Variants in ARHGAP29 observed in about 807,000 individuals in gnomAD.
ARHGAP29 encodes the protein rho GTPase-activating protein 29.
A neutral mutation model predicts 122.6 loss-of-function variants in ARHGAP29; 43 were observed. The observed-to-expected ratio is 0.35, with a 90% CI of 0.27 to 0.45. ARHGAP29 has a LOEUF of 0.45. Among genes scored for constraint, ARHGAP29 ranks in the 20% least tolerant of loss-of-function variants. The pLI is 1.00. For missense variants in ARHGAP29, 1,303 were observed against 1,477.2 expected (o/e 0.88, Z 1.93); for synonymous variants, 506 against 497.1 (o/e 1.02, Z -0.24).
chr1:94,222,967 G>A (rs1463582719), intron 2 of ARHGAP29, among the ~76,000 whole-genome samples: 3 of 147,182 alleles, frequency 2.0e-5, no homozygotes, highest in Non-Finnish European at 4.5e-5. Context: ...TTTTTGAGAC[G>A]GAGTCTCGCT....
chr1:94,186,562 T>C lies in ARHGAP29; in HGVS notation c.1717A>G (p.Ser573Gly). Residue 573 changes from serine to glycine, a missense_variant, in exon 16 of 23, where the codon AGT becomes GGT. Ser to Gly is a moderately conservative substitution (Grantham distance 56). This residue lies in a region of ARHGAP29 where 91 missense variants were observed against 177.8 expected (regional missense o/e 0.51). Coordinates refer to ENST00000260526, the MANE Select transcript of ARHGAP29 (RefSeq NM_004815.4). ...FHRKLPRTPSSGTMSSADDLD... is the reference protein window; with the variant it reads ...FHRKLPRTPSGGTMSSADDLD... The stretch of plus-strand genomic sequence containing the variant: ...TCATCTGCAGAGGACATAGTTCCAC[T>C]GGATGGTGTTCGTGGAAGTTTTCGA... 1 of 1,613,780 alleles carries C rather than the reference T, an allele frequency of 6.2e-7. No individual in the cohort carries two copies. The highest frequency in any genetic ancestry group is 8.5e-7 in the Non-Finnish European group (1 of 1,179,756).
chr1:94,215,104 G>GAAAAAAAAAAAAAAAAGA (rs199693229), intron 3 of ARHGAP29, among the ~76,000 whole-genome samples: 2 of 83,630 alleles, frequency 2.4e-5, no homozygotes, highest in African/African-American at 3.8e-5. Context: ...GCATGAAAAG[G>GAAAAAAAAAAAAAAAAGA]AAAAAAAAAA....
chr1:94,256,618 C>T (rs902293461), intron 1 of ARHGAP29, among the ~76,000 whole-genome samples: 1 of 118,098 alleles, frequency 8.5e-6, no homozygotes, highest in Non-Finnish European at 1.6e-5. Flanking sequence ...AGTGCAGTGG[C>T]GCGATTCTCG....
rs925200817 is a variant in ARHGAP29 at position 94,190,203 on chromosome 1, A to G, written c.1282-120T>C. ...CATACAGTGAAGCATACAACACTGA[A>G]TATCACTCTGAACATACTATGATGC... On this transcript the variant is annotated intron_variant, in intron 12 of 22. Transcript: ENST00000260526. The G allele has an allele frequency of 1.1e-5, 11 of 1,024,602 alleles. No individual in the cohort carries two copies. In the African/African-American group the frequency reaches 1.3e-4, roughly 12 times the overall value. The allele number at this position is 1,024,602 out of a possible 1,614,324, so 63.5% of individuals were successfully genotyped here. A position where few individuals can be genotyped will look rare whatever the true frequency, so the allele number is the denominator to read the frequency against.
chr1:94,193,016 TACA>T lies in ARHGAP29; in HGVS notation c.1282-2936_1282-2934del, dbSNP rs1313188145. ...ATTTGGGACGATTAGATGAAAAATCTACAACAACTATTACAAAGGTTTCAAAAA... is the reference window on the plus strand; with the variant it reads ...ATTTGGGACGATTAGATGAAAAATCTACAACTATTACAAAGGTTTCAAAAA... On this transcript the variant is annotated intron_variant, in intron 12 of 22. Transcript: ENST00000260526. The T allele has an allele frequency of 3.9e-5, 6 of 152,076 alleles. No homozygotes were observed. The East Asian group carries it at 5.8e-4, about 15-fold the overall frequency. The allele number at this position is 152,076 out of a possible 1,614,324, so 9.4% of individuals were successfully genotyped here. A position where few individuals can be genotyped will look rare whatever the true frequency, so the allele number is the denominator to read the frequency against.
chr1:94,212,908 C>T (rs1036229916), intron 3 of ARHGAP29, among the ~76,000 whole-genome samples: 32 of 152,174 alleles, frequency 2.1e-4, no homozygotes, highest in African/African-American at 7.7e-4. Flanking sequence ...ACCAACTTTA[C>T]TCCTCCTTCA....
chr1:94,280,380 GTCC>G, the ARHGAP29 span, among the ~76,000 whole-genome samples: 2 of 152,112 alleles, frequency 1.3e-5, no homozygotes, highest in Non-Finnish European at 2.9e-5. Flanking sequence ...CCATCTTCCT[GTCC>G]TCCAACAGCT....
the ARHGAP29 span, among the ~76,000 whole-genome samples, chr1:94,288,088 G>A: frequency 6.6e-6 from 1 of 152,152 alleles, no homozygotes; most frequent in Non-Finnish European, 1.5e-5. Context: ...TTCCACAATG[G>A]TTGAACTAAT....
intron 5 of ARHGAP29, among the ~76,000 whole-genome samples, chr1:94,208,616 T>A (rs896566909): frequency 6.6e-6 from 1 of 151,990 alleles, no homozygotes; most frequent in East Asian, 2.0e-4. Flanking sequence ...CCCACCACCA[T>A]GCCCAGCTAA....
rs1373333500 is a variant in ARHGAP29, at chr1:94,189,283, A to G, written c.1509T>C (p.Val503=). 3.1e-6 allele frequency: 5 copies of G among 1,613,214 alleles called. No homozygotes were observed. The highest frequency in any genetic ancestry group is 3.4e-6 in the Non-Finnish European group (4 of 1,179,492). Residue 503 remains valine (V), a synonymous_variant, in exon 14 of 23, where the codon GTT becomes GTC. Coordinates refer to ENST00000260526, the MANE Select transcript of ARHGAP29 (RefSeq NM_004815.4). ...GFGPANSLED[V]VRLPDSSNKI... Reference sequence around the variant, plus strand: ...TATTAGAACTGTCAGGAAGGCGTACAACATCCTCTAAAGAGTTGGCAGGTC... The same window carrying G: ...TATTAGAACTGTCAGGAAGGCGTACGACATCCTCTAAAGAGTTGGCAGGTC...
Position 94,252,740 on chromosome 1 carries a change from T to A in ARHGAP29, c.-32-21097A>T, listed in dbSNP as rs528464563. 5.9e-5 allele frequency among the ~76,000 whole-genome samples: 9 copies of A among 152,282 alleles called. No homozygotes were observed. In the South Asian group the frequency reaches 1.9e-3, roughly 32 times the overall value. ...ATGAAAAAAAAAAAGAATCTTAAAT[T>A]ATTTCCTTCCTTCTTTAAAGTAGAG... On this transcript the variant is annotated intron_variant and NMD_transcript_variant, in intron 1 of 25. Coordinates refer to the ARHGAP29 transcript ENST00000552844.
chr1:94,267,727 G>C (rs1450923103), intron 1 of ARHGAP29, among the ~76,000 whole-genome samples: 2 of 151,704 alleles, frequency 1.3e-5, no homozygotes, highest in Non-Finnish European at 2.9e-5. Context: ...GTGTGATCAT[G>C]GGTAAATTAC....
chr1:94,292,719 T>A, the ARHGAP29 span, among the ~76,000 whole-genome samples: 1 of 152,240 alleles, frequency 6.6e-6, no homozygotes, highest in African/African-American at 2.4e-5. Context: ...GCCCCTCAGC[T>A]GCAGGTCTCT....
intron 1 of ARHGAP29, among the ~76,000 whole-genome samples, chr1:94,272,924 C>G (rs1368372530): frequency 2.0e-5 from 3 of 152,174 alleles, no homozygotes; most frequent in Non-Finnish European, 4.4e-5. Context: ...GATAAAATTC[C>G]AGAAAAAAGT....
intron 2 of ARHGAP29, among the ~76,000 whole-genome samples, chr1:94,230,372 A>G (rs990279069): frequency 6.6e-6 from 1 of 151,794 alleles, no homozygotes; most frequent in Non-Finnish European, 1.5e-5. Flanking sequence ...AACTTTTCTA[A>G]TATGTATACA....
the ARHGAP29 span, among the ~76,000 whole-genome samples, chr1:94,293,965 G>A: frequency 6.6e-6 from 1 of 152,152 alleles, no homozygotes; most frequent in South Asian, 2.1e-4. Context: ...TCATGGCTTG[G>A]TCTTTCTGGT....
At chr1:94,236,802 T>C (rs895280505) in intron 1 of ARHGAP29, among the ~76,000 whole-genome samples, 1 of 151,662 alleles carries the variant, frequency 6.6e-6, no homozygotes, top group Non-Finnish European at 1.5e-5. Context: ...CAGGAGAAAA[T>C]GCACCACGGA....
chr1:94,184,922 T>TA lies in ARHGAP29; in HGVS notation c.2058dup (p.Ile687TyrfsTer10). On this transcript the variant is annotated frameshift_variant, in exon 18 of 23. Coordinates refer to ENST00000260526, the MANE Select transcript of ARHGAP29 (RefSeq NM_004815.4). LOFTEE classifies it high-confidence loss of function. ...ATCTCTGAGGCACATATTTTGAGTA[T>TA]AAAAGGGATACCATCTGGTTCCTTT... is the stretch of plus-strand genomic sequence containing the variant. The TA allele has an allele frequency of 6.2e-7, 1 of 1,613,272 alleles. No individual in the cohort carries two copies. Among genetic ancestry groups the TA allele is most frequent in the Non-Finnish European group, 8.5e-7 (1 of 1,179,674 alleles).
chr1:94,179,797 C>T lies in ARHGAP29; in HGVS notation c.2408G>A (p.Ser803Asn). The change falls in exon 20 of 23, where the codon AGC (serine) becomes AAC (asparagine). Residue 803 changes from serine (S) to asparagine (N), a missense_variant. Physicochemically the swap from Ser to Asn is conservative, Grantham distance 46. Transcript: ENST00000260526. ...CIEINRILLK[S>N]KDLLRQLPAS... ...TGGCAATTGTCTTAGAAGGTCTTTGCTTTTTAGAAGAATTCGGTTTATTTC... is the reference window on the plus strand; with the variant it reads ...TGGCAATTGTCTTAGAAGGTCTTTGTTTTTTAGAAGAATTCGGTTTATTTC... 1 of 1,613,486 alleles carries T rather than the reference C, an allele frequency of 6.2e-7. No homozygotes were observed. Among genetic ancestry groups the T allele is most frequent in the Non-Finnish European group, 8.5e-7 (1 of 1,179,726 alleles).
Sources: allele counts gnomAD v4.1 joint callset (sites outside exome capture counted in the v4.1 genomes callset), GRCh38; gene constraint gnomAD v4.1.1; regional missense constraint gnomAD v4.1.1; transcripts MANE v1.5; gene names NCBI Gene and HGNC (gene_info 2026-07-23, HGNC 2026-07-21).